Variants in CLSTN1 observed in about 807,000 individuals in gnomAD.
CLSTN1 encodes the protein calsyntenin-1.
In CLSTN1, 28 loss-of-function variants were observed where a neutral mutation model predicts 108.3. The ratio of observed to expected loss-of-function variants is 0.26; its 90% CI spans 0.19 to 0.35. The LOEUF (loss-of-function observed/expected upper bound fraction) is 0.35. CLSTN1 is among the 10% of genes least tolerant of loss of function. The pLI is 1.00. For missense variants in CLSTN1, 1,157 were observed against 1,302.6 expected (o/e 0.89, Z 1.72); for synonymous variants, 524 against 534.9 (o/e 0.98, Z 0.28).
chr1:9,768,261 G>A (rs902727792), intron 2 of CLSTN1, among the ~76,000 whole-genome samples: 1 of 146,680 alleles, frequency 6.8e-6, no homozygotes, highest in Non-Finnish European at 1.5e-5. Context: ...TAGCACCATA[G>A]GGATGGGGTT....
intron 1 of CLSTN1, among the ~76,000 whole-genome samples, chr1:9,782,264 C>T (rs1653283287): frequency 6.6e-6 from 1 of 152,046 alleles, no homozygotes; most frequent in South Asian, 2.1e-4. Flanking sequence ...TCATTTACAG[C>T]TAATGAGAAT....
At chr1:9,802,468 AAAT>A (rs1156941507) in intron 1 of CLSTN1, among the ~76,000 whole-genome samples, 4 of 152,306 alleles carry the variant, frequency 2.6e-5, no homozygotes, top group Non-Finnish European at 4.4e-5. Context: ...ACAAATTTTC[AAAT>A]AATGTGACTT....
rs1184755158 is a variant in CLSTN1 at position 9,775,858 on chromosome 1, GCACTTTCCC to G, written c.92-2473_92-2465del. On this transcript the variant is annotated intron_variant, in intron 1 of 18. Coordinates refer to ENST00000377298, the MANE Select transcript of CLSTN1 (RefSeq NM_001009566.3). ...ATGTGATGCTACCTCTGCTGTACCT[GCACTTTCCC>G]CAGAGTGGCACCCAGGGAGGGGGGT... 2.3e-3 allele frequency among the ~76,000 whole-genome samples: 348 copies of G among 152,208 alleles called. 1 individual carries two copies. The highest frequency in any genetic ancestry group is 7.9e-3 in the African/African-American group (327 of 41,528).
intron 1 of CLSTN1, among the ~76,000 whole-genome samples, chr1:9,804,994 T>C (rs1046520242): frequency 6.6e-6 from 1 of 151,858 alleles, no homozygotes; most frequent in Non-Finnish European, 1.5e-5. Context: ...TGCTAGTGCA[T>C]GCCTGTAATC....
At chr1:9,766,521 G>A (rs376959655) in intron 2 of CLSTN1, among the ~76,000 whole-genome samples, 10 of 152,230 alleles carry the variant, frequency 6.6e-5, no homozygotes, top group East Asian at 3.9e-4. Flanking sequence ...TAGCTGGCTC[G>A]TGGTGGTGCA....
intron 2 of CLSTN1, among the ~76,000 whole-genome samples, chr1:9,758,007 G>T (rs754669620): frequency 3.3e-5 from 5 of 152,000 alleles, no homozygotes; most frequent in East Asian, 1.9e-4. Flanking sequence ...TTTGTTTTGG[G>T]GGGGGGTGGG....
chr1:9,777,847 T>C (rs868227846), intron 1 of CLSTN1, among the ~76,000 whole-genome samples: 32 of 152,120 alleles, frequency 2.1e-4, no homozygotes, highest in African/African-American at 7.2e-4. Flanking sequence ...TTAATATTGT[T>C]ACAGTTCTGC....
rs1650611849 is a variant in CLSTN1, at chr1:9,735,085, C to T, written c.1973G>A (p.Ser658Asn). 5.0e-6 allele frequency: 8 copies of T among 1,614,130 alleles called. No individual in the cohort carries two copies. In the Admixed American group the frequency reaches 1.0e-4, roughly 20 times the overall value. ...LQPEEPKISLSGVHHFARAAS... is the reference protein window; with the variant it reads ...LQPEEPKISLNGVHHFARAAS... ...TGCTCGGGCAAAATGGTGGACGCCA[C>T]TCAGGCTGATCTTGGGCTCCTCGGG... Residue 658 changes from serine to asparagine, a missense_variant, in exon 14 of 19, where the codon AGT becomes AAT. Ser to Asn is a conservative substitution (Grantham distance 46, BLOSUM62 1). Transcript: ENST00000377298.
chr1:9,763,116 C>T (rs1050084105), intron 2 of CLSTN1, among the ~76,000 whole-genome samples: 8 of 152,052 alleles, frequency 5.3e-5, no homozygotes, highest in African/African-American at 1.4e-4. Flanking sequence ...TGCACACCAC[C>T]ACGCCTGGCT....
chr1:9,781,084 G>A (rs1653220587), intron 1 of CLSTN1: 2 of 679,142 alleles, frequency 2.9e-6, no homozygotes, highest in Admixed American at 4.8e-5. Flanking sequence ...TTCTGCTTGA[G>A]ATTTCAAGAA....
chr1:9,770,029 CAAAA>C (rs5772376), intron 2 of CLSTN1, among the ~76,000 whole-genome samples: 2 of 115,766 alleles, frequency 1.7e-5, no homozygotes, highest in African/African-American at 3.3e-5. Context: ...GACTCCGTCT[CAAAA>C]AAAAAAAAAA....
At chr1:9,805,408 T>C (rs562802508) in intron 1 of CLSTN1, among the ~76,000 whole-genome samples, 3 of 152,298 alleles carry the variant, frequency 2.0e-5, no homozygotes, top group Non-Finnish European at 4.4e-5. Context: ...ACTATATCTG[T>C]GTGAAGCTCA....
intron 10 of CLSTN1, among the ~76,000 whole-genome samples, chr1:9,740,866 C>T (rs967150951): frequency 5.3e-5 from 8 of 152,210 alleles, no homozygotes; most frequent in African/African-American, 9.7e-5. Flanking sequence ...GGAAAGGTGA[C>T]GGTGTGGTCA....
At chr1:9,795,842 C>T (rs1243159356) in intron 1 of CLSTN1, among the ~76,000 whole-genome samples, 1 of 150,744 alleles carries the variant, frequency 6.6e-6, no homozygotes, top group Non-Finnish European at 1.5e-5. Flanking sequence ...ATAGTCCTGG[C>T]TACTTGGGAG....
chr1:9,761,419 G>A (rs966709260), intron 2 of CLSTN1, among the ~76,000 whole-genome samples: 55 of 152,132 alleles, frequency 3.6e-4, no homozygotes, highest in African/African-American at 1.3e-3. Flanking sequence ...CCTGAGTCTC[G>A]GATGTTAAGC....
intron 7 of CLSTN1, 26 bp downstream of exon 7, chr1:9,749,435 G>T (rs1439041429): frequency 8.8e-6 from 14 of 1,583,722 alleles, no homozygotes; most frequent in Non-Finnish European, 1.2e-5. Flanking sequence ...AAGCCAGCCG[G>T]ATGCAAGAAC....
rs767821997 is a variant in CLSTN1 at position 9,743,931 on chromosome 1, C to T, written c.1309G>A (p.Glu437Lys). ...TCTGCAGGTCTGTATTTCTTCTCCT[C>T]AGAAGGATCCTGACGGAAGAGGAAG... ...LIFLFRQDPS[E>K]EKKYRPAEFH... The change falls in exon 9 of 19, where the codon GAG (glutamate) becomes AAG (lysine). Residue 437 changes from glutamate to lysine, a missense_variant. Physicochemically the swap from Glu to Lys is moderately conservative, Grantham distance 56. Coordinates refer to ENST00000377298, the MANE Select transcript of CLSTN1 (RefSeq NM_001009566.3). The T allele has an allele frequency of 5.6e-6, 9 of 1,613,998 alleles. No individual in the cohort carries two copies. The highest frequency in any genetic ancestry group is 4.4e-5 in the South Asian group (4 of 91,080).
At position 9,731,290 on chromosome 1, in the gene CLSTN1, C is replaced by T; in HGVS notation, c.2664G>A (p.Arg888=). 6.2e-7 allele frequency: 1 copy of T among 1,614,226 alleles called. No individual in the cohort carries two copies. The highest frequency in any genetic ancestry group is 1.7e-5 in the Admixed American group (1 of 60,030). The part of the protein sequence containing the change: ...GVFRIRAAHR[R]TMRDQDTGKE... Reference sequence around the variant, plus strand: ...TCCCGGTGTCCTGATCCCGCATGGTCCGCCGATGTGCGGCCCGGATCCGAA... The same window carrying T: ...TCCCGGTGTCCTGATCCCGCATGGTTCGCCGATGTGCGGCCCGGATCCGAA... Residue 888 remains arginine (R), a synonymous_variant, in exon 18 of 19, where the codon CGG becomes CGA. Coordinates refer to ENST00000377298, the MANE Select transcript of CLSTN1 (RefSeq NM_001009566.3).
chr1:9,742,528 T>C (rs1651035542), intron 9 of CLSTN1, among the ~76,000 whole-genome samples: 1 of 152,210 alleles, frequency 6.6e-6, no homozygotes, highest in Non-Finnish European at 1.5e-5. Flanking sequence ...AGAAACTAAA[T>C]ATATAAATGC....
Sources: allele counts gnomAD v4.1 joint callset (sites outside exome capture counted in the v4.1 genomes callset), GRCh38; gene constraint gnomAD v4.1.1; transcripts MANE v1.5; gene names NCBI Gene and HGNC (gene_info 2026-07-23, HGNC 2026-07-21).